Variants in KIAA0319 observed in about 807,000 individuals in gnomAD.
The protein encoded by KIAA0319 is KIAA0319, also known as dyslexia-associated protein KIAA0319.
Under a neutral mutation model 108.4 loss-of-function variants are expected in KIAA0319, and 83 were observed. The ratio of observed to expected loss-of-function variants is 0.77; its 90% CI spans 0.64 to 0.92. The LOEUF (loss-of-function observed/expected upper bound fraction) is 0.92, where lower values mean the gene tolerates loss of function less well. KIAA0319 is among the 40% of genes least tolerant of loss of function. The pLI, the probability that KIAA0319 is intolerant of heterozygous loss-of-function variation, is 0.00. For missense variants in KIAA0319, 1,195 were observed against 1,322.4 expected, an observed-to-expected ratio of 0.90 and a Z score of 1.49; for synonymous variants, 484 against 510.4, an observed-to-expected ratio of 0.95 and a Z score of 0.70.
At chr6:24,637,467 T>C (rs9379677) in intron 1 of KIAA0319, among the ~76,000 whole-genome samples, 47,355 of 152,004 alleles carry the variant, frequency 0.31, 9,100 homozygotes, top group East Asian at 0.7. Context: ...TTAAGTAATC[T>C]TTAAAGGGCA....
At chr6:24,561,856 C>A (rs1352634435) in intron 16 of KIAA0319, among the ~76,000 whole-genome samples, 1 of 152,216 alleles carries the variant, frequency 6.6e-6, no homozygotes, top group African/African-American at 2.4e-5. Context: ...GTACCTGCCA[C>A]CACACCCAGC....
At chr6:24,556,796 T>C in intron 17 of KIAA0319, 67 bp from the exon 18 acceptor site, 1 of 1,545,826 alleles carries the variant, frequency 6.5e-7, no homozygotes, top group Non-Finnish European at 8.7e-7. Context: ...CAGCTTCTTT[T>C]GTATCTTCAG....
At chr6:24,578,417 T>C (rs1349218062) in intron 8 of KIAA0319, among the ~76,000 whole-genome samples, 175 bp from the exon 9 acceptor site, 1 of 152,226 alleles carries the variant, frequency 6.6e-6, no homozygotes, top group African/African-American at 2.4e-5. Context: ...CGAAATTATA[T>C]CACTATTTTT....
At chr6:24,562,352 G>C (rs1459826619) in intron 16 of KIAA0319, among the ~76,000 whole-genome samples, 1 of 152,162 alleles carries the variant, frequency 6.6e-6, no homozygotes, top group Non-Finnish European at 1.5e-5. Flanking sequence ...ATTTTAGAAA[G>C]AGTTCCTTAG....
chr6:24,619,105 A>G (rs1394712796), intron 1 of KIAA0319, among the ~76,000 whole-genome samples: 1 of 152,188 alleles, frequency 6.6e-6, no homozygotes, highest in African/African-American at 2.4e-5. Context: ...GCATCGCTAG[A>G]AAAGGGAAAG....
chr6:24,572,579 C>A lies in KIAA0319; in HGVS notation c.1854G>T (p.Gln618His), dbSNP rs142835109. The A allele has an allele frequency of 1.2e-6, 2 of 1,612,090 alleles. No individual in the cohort carries two copies. The highest frequency in any genetic ancestry group is 2.7e-5 in the African/African-American group (2 of 74,798). ...QSTAVVTVIV[Q>H]PENNRPPVAV... ...ATCTCTTTCTCCTCCACCTACCAGG[C>A]TGGACAATCACAGTCACCACAGCAG... Residue 618 changes from glutamine to histidine, a missense_variant, in exon 11 of 21, where the codon CAG becomes CAT. Physicochemically the swap from Gln to His is conservative, Grantham distance 24. Transcript: ENST00000378214.
At chr6:24,576,763 A>T (rs1264581164) in intron 9 of KIAA0319, among the ~76,000 whole-genome samples, 167 bp from the exon 10 acceptor site, 2 of 143,838 alleles carry the variant, frequency 1.4e-5, no homozygotes, top group Admixed American at 7.0e-5. Context: ...CTATTTAATT[A>T]AAAAAAAAAA....
intron 1 of KIAA0319, among the ~76,000 whole-genome samples, chr6:24,638,938 A>C (rs1776565435): frequency 6.6e-6 from 1 of 152,204 alleles, no homozygotes; most frequent in Non-Finnish European, 1.5e-5. Flanking sequence ...ACAAACAAAG[A>C]AACAGTCAAT....
chr6:24,601,504 A>G (rs1770615835), intron 1 of KIAA0319, among the ~76,000 whole-genome samples: 1 of 152,258 alleles, frequency 6.6e-6, no homozygotes, highest in African/African-American at 2.4e-5. Context: ...AAAGGCAGTC[A>G]GCCACCATCA....
At chr6:24,638,248 A>G (rs937541085) in intron 1 of KIAA0319, among the ~76,000 whole-genome samples, 1 of 152,224 alleles carries the variant, frequency 6.6e-6, no homozygotes, top group Non-Finnish European at 1.5e-5. Flanking sequence ...TTTTAAGGGT[A>G]TAGTTTAAAA....
At chr6:24,621,095 T>A (rs905388520) in intron 1 of KIAA0319, among the ~76,000 whole-genome samples, 2 of 152,238 alleles carry the variant, frequency 1.3e-5, no homozygotes, top group Non-Finnish European at 2.9e-5. Context: ...CCTTCCATTA[T>A]GTTTCCACAA....
chr6:24,566,500 T>C, intron 14 of KIAA0319, 97 bp downstream of exon 14: 1 of 1,083,052 alleles, frequency 9.2e-7, no homozygotes, highest in African/African-American at 1.6e-5. Context: ...TTATATCCTT[T>C]CCTTAGAATA....
intron 20 of KIAA0319, among the ~76,000 whole-genome samples, chr6:24,550,726 G>A (rs1431781345): frequency 6.6e-6 from 1 of 152,128 alleles, no homozygotes; most frequent in Non-Finnish European, 1.5e-5. Flanking sequence ...TCAGAGCTGA[G>A]CTGTGGGAGT....
Position 24,596,511 on chromosome 6 carries a change from C to A in KIAA0319, c.163G>T (p.Val55Leu), listed in dbSNP as rs552512704. Residue 55 changes from valine to leucine, a missense_variant, in exon 3 of 21, where the codon GTA becomes TTA. Coordinates refer to ENST00000378214, the MANE Select transcript of KIAA0319 (RefSeq NM_014809.4). ...IMRVSHTFPV[V>L]DCTAACCDLS... ...TCACAGCAAGCGGCCGTGCAGTCTA[C>A]GACAGGGAAGGTGTGAGACACCCGC... 6.2e-7 allele frequency: 1 copy of A among 1,613,972 alleles called. No homozygotes were observed. The highest frequency in any genetic ancestry group is 1.3e-5 in the African/African-American group (1 of 74,922).
At chr6:24,590,868 C>T (rs1268836309) in intron 3 of KIAA0319, among the ~76,000 whole-genome samples, 2 of 152,192 alleles carry the variant, frequency 1.3e-5, no homozygotes, top group African/African-American at 2.4e-5. Flanking sequence ...ACTAAGTCAT[C>T]AGGACACAAG....
chr6:24,562,164 T>C (rs554493565), intron 16 of KIAA0319, among the ~76,000 whole-genome samples: 11 of 152,350 alleles, frequency 7.2e-5, no homozygotes, highest in African/African-American at 2.6e-4. Flanking sequence ...TCAGTAGTAA[T>C]GTGCCTTATT....
intron 9 of KIAA0319, 43 bp from the exon 10 acceptor site, chr6:24,576,639 G>C: frequency 6.6e-7 from 1 of 1,508,302 alleles, no homozygotes; most frequent in Non-Finnish European, 9.2e-7. Context: ...AATATGCCAG[G>C]CTGGGTGCAG....
rs141223480 is a variant in KIAA0319, at chr6:24,566,697, A to G, written c.2192T>C (p.Leu731Pro). The G allele has an allele frequency of 1.2e-6, 2 of 1,613,600 alleles. No homozygotes were observed. Among genetic ancestry groups the G allele is most frequent in the Non-Finnish European group, 1.7e-6 (2 of 1,179,788 alleles). The change falls in exon 14 of 21, where the codon CTT becomes CCT. Residue 731 changes from leucine (L) to proline (P), a missense_variant. By Grantham distance (98) the Leu-to-Pro change is moderately conservative (BLOSUM62 -3). Coordinates refer to ENST00000378214, the MANE Select transcript of KIAA0319 (RefSeq NM_014809.4). ...ARAGGRHVLV[L>P]PNNSITLDGS... ...ATCCAAAGTAATGGAATTATTGGGA[A>G]GCACAAGAACATGTCTGCCACCAGC...
intron 3 of KIAA0319, among the ~76,000 whole-genome samples, chr6:24,593,456 G>A (rs770064544): frequency 7.1e-6 from 1 of 141,128 alleles, no homozygotes; most frequent in Non-Finnish European, 1.5e-5. Flanking sequence ...GCAGTGGTGC[G>A]ATCTCGGCTC....
Sources: gnomAD v4.1 joint callset for allele counts (sites outside exome capture counted in the v4.1 genomes callset) on GRCh38, gnomAD v4.1.1 for gene constraint, MANE v1.5 for transcripts, NCBI Gene and HGNC (gene_info 2026-07-23, HGNC 2026-07-21) for gene names.